The following TUSC3 variants were observed in gnomAD, a reference collection of about 807,000 sequenced individuals.
TUSC3 encodes the protein dolichyl-diphosphooligosaccharide--protein glycosyltransferase subunit TUSC3.
In TUSC3, 45 loss-of-function variants were observed where a neutral mutation model predicts 44.8. The ratio of observed to expected loss-of-function variants is 1.00; its 90% CI spans 0.79 to 1.29. The LOEUF (loss-of-function observed/expected upper bound fraction) is 1.29. Ranked by LOEUF, TUSC3 falls within the 50% of genes most tolerant of loss-of-function variation. TUSC3 has a pLI of 0.00. For missense variants in TUSC3, 519 were observed against 437.9 expected (o/e 1.19, Z -1.65); for synonymous variants, 212 against 152.9 (o/e 1.39, Z -2.85).
chr8:15,559,781 C>A lies in TUSC3; in HGVS notation c.138+19213C>A, dbSNP rs1280648699. ...AATGGCCTTCTTTGTCTCTTTTGAT[C>A]TTTGTTGGTTTAAAGTCTGTTTTAT... On this transcript the variant is annotated intron_variant, in intron 1 of 10. Transcript: ENST00000503731. 1.9e-5 allele frequency among the ~76,000 whole-genome samples: 2 copies of A among 102,602 alleles called. 1 individual carries two copies. The highest frequency in any genetic ancestry group is 4.0e-5 in the Non-Finnish European group (2 of 49,384). 67.3% of individuals were successfully genotyped at this position (102,602 alleles called of 152,430 possible). A position where few individuals can be genotyped will look rare whatever the true frequency, so the allele number is the denominator to read the frequency against.
At chr8:15,518,009 C>T (rs564056437) in intron 2 of TUSC3, among the ~76,000 whole-genome samples, 2 of 152,018 alleles carry the variant, frequency 1.3e-5, no homozygotes, top group South Asian at 4.2e-4. Context: ...TACACATTCG[C>T]ACCTGTTCCT....
At chr8:15,545,406 A>G (rs74464370) in intron 1 of TUSC3, among the ~76,000 whole-genome samples, 2,155 of 151,564 alleles carry the variant, frequency 0.014, 69 homozygotes, top group Non-Finnish European at 0.025. Flanking sequence ...CACTTCTTTG[A>G]CCTCTTCTCT....
chr8:15,761,832 C>T (rs1183910537), intron 10 of TUSC3, among the ~76,000 whole-genome samples: 1 of 151,846 alleles, frequency 6.6e-6, no homozygotes, highest in Non-Finnish European at 1.5e-5. Context: ...TTGTGATAGG[C>T]ATTATTAGAA....
intron 2 of TUSC3, among the ~76,000 whole-genome samples, chr8:15,497,811 C>T (rs13252415): frequency 0.23 from 35,441 of 150,984 alleles, 4,738 homozygotes; most frequent in Non-Finnish European, 0.31. Context: ...ATGGTGTGAT[C>T]TCAGCTCACT....
intron 8 of TUSC3, among the ~76,000 whole-genome samples, chr8:15,744,938 T>C (rs1248228814): frequency 1.3e-5 from 2 of 152,122 alleles, no homozygotes; most frequent in Admixed American, 1.3e-4. Flanking sequence ...TTTTTCAACC[T>C]ACACGCTCCT....
chr8:15,751,265 T>C (rs2721223), intron 9 of TUSC3, among the ~76,000 whole-genome samples: 1,795 of 152,224 alleles, frequency 0.012, 19 homozygotes, highest in Middle Eastern at 0.037. Flanking sequence ...AAAAACCTAA[T>C]TGCCACATAG....
At chr8:15,621,369 A>C (rs1309996407) in intron 1 of TUSC3, among the ~76,000 whole-genome samples, 1 of 151,174 alleles carries the variant, frequency 6.6e-6, no homozygotes, top group Non-Finnish European at 1.5e-5. Flanking sequence ...CAAAATTGAA[A>C]CTAAGAACAA....
chr8:15,477,546 T>TC lies in TUSC3; in HGVS notation n.92-5837dup, dbSNP rs769050197. 5.3e-4 allele frequency among the ~76,000 whole-genome samples: 80 copies of TC among 151,938 alleles called. 1 individual carries two copies. The highest frequency in any genetic ancestry group is 1.8e-3 in the Admixed American group (27 of 15,228). On this transcript the variant is annotated intron_variant and non_coding_transcript_variant, in intron 1 of 5. Transcript: ENST00000503191. The stretch of plus-strand genomic sequence containing the variant: ...GACCATCCTGGCTAACATGGTGAAA[T>TC]CCCGTCTCTACTAAAAATACAAAAA...
intron 10 of TUSC3, 145 bp downstream of exon 10, chr8:15,758,000 G>T: frequency 6.9e-7 from 1 of 1,449,338 alleles, no homozygotes. Context: ...CCATATTCCA[G>T]TCTTACATTA....
chr8:15,490,577 G>T (rs1224138353), intron 2 of TUSC3, among the ~76,000 whole-genome samples: 1 of 152,160 alleles, frequency 6.6e-6, no homozygotes, highest in Non-Finnish European at 1.5e-5. Context: ...GAGCTCCCAA[G>T]CCCAGCTCAG....
intron 1 of TUSC3, among the ~76,000 whole-genome samples, chr8:15,440,526 G>C (rs1800007401): frequency 6.6e-6 from 1 of 152,166 alleles, no homozygotes; most frequent in African/African-American, 2.4e-5. Flanking sequence ...GGATGAGTTG[G>C]GAGGGGCCAG....
At chr8:15,540,236 T>G, upstream of TUSC3, 1 of 778,734 alleles carries the variant, frequency 1.3e-6, no homozygotes, top group Non-Finnish European at 1.8e-6. Context: ...TTTCCAGGTC[T>G]TCTCCCGGTG....
intron 1 of TUSC3, among the ~76,000 whole-genome samples, chr8:15,432,197 A>G (rs758234693): frequency 4.6e-5 from 7 of 152,202 alleles, no homozygotes; most frequent in East Asian, 1.9e-4. Context: ...TCATTCTTCT[A>G]TAACTGTTTG....
At chr8:15,562,316 T>C (rs575157978) in intron 1 of TUSC3, among the ~76,000 whole-genome samples, 2 of 152,274 alleles carry the variant, frequency 1.3e-5, no homozygotes, top group East Asian at 3.9e-4. Context: ...TAGTGTGGCA[T>C]AGCTAATAAA....
intron 2 of TUSC3, among the ~76,000 whole-genome samples, chr8:15,493,556 C>T (rs866004648): frequency 6.6e-6 from 1 of 152,132 alleles, no homozygotes; most frequent in South Asian, 2.1e-4. Context: ...AGCTACTGAG[C>T]CCAGCACAGA....
chr8:15,824,412 T>TA, the TUSC3 span, among the ~76,000 whole-genome samples: 1 of 152,090 alleles, frequency 6.6e-6, no homozygotes, highest in African/African-American at 2.4e-5. Context: ...CTAGGACTCT[T>TA]AAAAATCTAT....
At chr8:15,583,831 C>T (rs930576698) in intron 1 of TUSC3, among the ~76,000 whole-genome samples, 2 of 151,816 alleles carry the variant, frequency 1.3e-5, no homozygotes, top group Non-Finnish European at 2.9e-5. Context: ...ATCCTAAAAC[C>T]AGAAAAAAAC....
At chr8:15,595,160 C>T (rs1427514627) in intron 1 of TUSC3, among the ~76,000 whole-genome samples, 2 of 152,148 alleles carry the variant, frequency 1.3e-5, no homozygotes. Flanking sequence ...AAGCTGGGCT[C>T]TTAAGGCCGT....
chr8:15,752,257 A>G (rs994309316), intron 9 of TUSC3, among the ~76,000 whole-genome samples: 2 of 152,116 alleles, frequency 1.3e-5, no homozygotes, highest in Non-Finnish European at 2.9e-5. Flanking sequence ...CGAAAGTCAT[A>G]ATTTGTGTAC....
Sources: gnomAD v4.1 joint callset for allele counts (sites outside exome capture counted in the v4.1 genomes callset) on GRCh38, gnomAD v4.1.1 for gene constraint, MANE v1.5 for transcripts, NCBI Gene and HGNC (gene_info 2026-07-23, HGNC 2026-07-21) for gene names.